Variants in TRPM3 observed in about 807,000 individuals in gnomAD.
The protein encoded by TRPM3 is long transient receptor potential channel 3.
TRPM3 carries 77 observed loss-of-function variants against 181.2 expected under a neutral mutation model. That is an observed-to-expected ratio of 0.42 (90% confidence interval 0.35 to 0.51). The LOEUF (loss-of-function observed/expected upper bound fraction) is 0.51, where lower values mean the gene tolerates loss of function less well. Ranked by LOEUF, TRPM3 falls within the 20% of genes least tolerant of loss-of-function variation. The probability of loss-of-function intolerance (pLI) is 0.01; values close to 1 mark genes in which losing one functional copy is unlikely to be tolerated. For missense variants in TRPM3, 1,759 were observed against 2,196.7 expected (o/e 0.80, Z 3.98); for synonymous variants, 745 against 796.4 (o/e 0.94, Z 1.09).
intron 1 of TRPM3, among the ~76,000 whole-genome samples, chr9:71,408,569 A>G (rs554276712): frequency 6.6e-6 from 1 of 152,338 alleles, no homozygotes; most frequent in South Asian, 2.1e-4. Flanking sequence ...GAGTAAAAAG[A>G]AATGAACAAA....
chr9:70,880,208 CA>C (rs1293593294), intron 1 of TRPM3, among the ~76,000 whole-genome samples: 1 of 151,998 alleles, frequency 6.6e-6, no homozygotes, highest in Non-Finnish European at 1.5e-5. Flanking sequence ...GGGTACAGAA[CA>C]TTTTTTTCTT....
intron 1 of TRPM3, among the ~76,000 whole-genome samples, chr9:71,355,302 A>C (rs2091850179): frequency 6.6e-6 from 1 of 152,202 alleles, no homozygotes; most frequent in Admixed American, 6.5e-5. Context: ...GTGAGCACTA[A>C]CCCAATGTCT....
intron 1 of TRPM3, among the ~76,000 whole-genome samples, chr9:71,118,659 C>T (rs1438886034): frequency 6.6e-6 from 1 of 152,130 alleles, no homozygotes; most frequent in Admixed American, 6.5e-5. Context: ...CATATTAGAA[C>T]AATGCTTGGA....
chr9:71,201,536 C>T (rs1029634035), intron 1 of TRPM3, among the ~76,000 whole-genome samples: 52 of 152,288 alleles, frequency 3.4e-4, no homozygotes, highest in Non-Finnish European at 5.9e-4. Flanking sequence ...TTGGTCTTTT[C>T]ACATAGTCCC....
intron 1 of TRPM3, among the ~76,000 whole-genome samples, chr9:71,245,702 T>C: frequency 6.6e-6 from 1 of 152,174 alleles, no homozygotes; most frequent in East Asian, 1.9e-4. Context: ...CAGGAATGGC[T>C]TGATACAGAC....
chr9:71,058,750 G>C (rs563475112), intron 1 of TRPM3, among the ~76,000 whole-genome samples: 108 of 152,082 alleles, frequency 7.1e-4, no homozygotes, highest in African/African-American at 2.0e-3. Flanking sequence ...AACCTAACAT[G>C]CTATGTAAAT....
intron 1 of TRPM3, among the ~76,000 whole-genome samples, chr9:71,133,766 A>G (rs1398631089): frequency 6.6e-6 from 1 of 152,192 alleles, no homozygotes; most frequent in Non-Finnish European, 1.5e-5. Flanking sequence ...ACATTTATAT[A>G]TTCACTCTAG....
At chr9:71,427,128 A>T (rs1214135795) in intron 1 of TRPM3, among the ~76,000 whole-genome samples, 1 of 151,960 alleles carries the variant, frequency 6.6e-6, no homozygotes, top group African/African-American at 2.4e-5. Context: ...GCCTTACGGT[A>T]TTTTTTTTCT....
At position 70,823,623 on chromosome 9, in the gene TRPM3, G is replaced by A. The variant is rs201956416; in HGVS notation, c.973+4224C>T. Among the ~76,000 whole-genome samples the A allele has an allele frequency of 5.9e-5, 9 of 152,238 alleles. No individual in the cohort carries two copies. The East Asian group carries it at 9.6e-4, about 16-fold the overall frequency. ...TGCTTTACTCTGCTTTATTTTTCTC[G>A]AAAGCACTTTTTAAAAACTATCGGC... On this transcript the variant is annotated intron_variant, in intron 6 of 25. Transcript: ENST00000677713.
chr9:71,159,375 T>C (rs988611617), intron 1 of TRPM3, among the ~76,000 whole-genome samples: 3 of 152,110 alleles, frequency 2.0e-5, no homozygotes, highest in African/African-American at 4.8e-5. Flanking sequence ...ATCCCTGCTA[T>C]AGATAGAATC....
intron 3 of TRPM3, among the ~76,000 whole-genome samples, chr9:70,853,156 A>G (rs2095288675): frequency 6.6e-6 from 1 of 152,194 alleles, no homozygotes; most frequent in South Asian, 2.1e-4. Flanking sequence ...GGACTCTTCA[A>G]AAGAATCTGT....
chr9:71,104,745 C>T (rs1444759845), intron 1 of TRPM3, among the ~76,000 whole-genome samples: 3 of 152,094 alleles, frequency 2.0e-5, no homozygotes, highest in African/African-American at 7.2e-5. Flanking sequence ...AGAAATTTAA[C>T]ATCACATTAC....
At chr9:70,892,180 C>T (rs10511992) in intron 1 of TRPM3, among the ~76,000 whole-genome samples, 12,273 of 152,142 alleles carry the variant, frequency 0.081, 564 homozygotes, top group African/African-American at 0.11. Flanking sequence ...TTTTGGAAGA[C>T]TATATAGAGA....
chr9:70,666,594 G>T (rs2061879605), intron 9 of TRPM3, among the ~76,000 whole-genome samples: 1 of 152,142 alleles, frequency 6.6e-6, no homozygotes, highest in Admixed American at 6.5e-5. Context: ...TTTCTGCATT[G>T]TTGTTTGGAA....
At chr9:71,197,691 T>A (rs1035875057) in intron 1 of TRPM3, among the ~76,000 whole-genome samples, 1 of 152,000 alleles carries the variant, frequency 6.6e-6, no homozygotes, top group Non-Finnish European at 1.5e-5. Flanking sequence ...GTCTGTTCAT[T>A]TCCTTCGCCC....
At chr9:71,333,123 A>G (rs2090325911) in intron 1 of TRPM3, among the ~76,000 whole-genome samples, 1 of 151,888 alleles carries the variant, frequency 6.6e-6, no homozygotes, top group African/African-American at 2.4e-5. Flanking sequence ...GATAGTGACA[A>G]TGACACTCAA....
At chr9:70,611,187 C>A (rs1362792355) in intron 18 of TRPM3, among the ~76,000 whole-genome samples, 1 of 152,170 alleles carries the variant, frequency 6.6e-6, no homozygotes, top group African/African-American at 2.4e-5. Context: ...GTAAATTGGA[C>A]CAGCATACCT....
intron 1 of TRPM3, among the ~76,000 whole-genome samples, chr9:71,331,564 C>T (rs1194145177): frequency 1.3e-5 from 2 of 151,090 alleles, no homozygotes; most frequent in Non-Finnish European, 2.9e-5. Flanking sequence ...TTACTATTTA[C>T]TAAGCATGCT....
At chr9:71,275,837 A>G (rs2084164855) in intron 1 of TRPM3, among the ~76,000 whole-genome samples, 1 of 137,684 alleles carries the variant, frequency 7.3e-6, no homozygotes, top group Admixed American at 7.6e-5. Flanking sequence ...CAATGGAGAA[A>G]GAAGGAACTT....
Sources: allele counts gnomAD v4.1 joint callset (sites outside exome capture counted in the v4.1 genomes callset), GRCh38; gene constraint gnomAD v4.1.1; transcripts MANE v1.5; gene names NCBI Gene and HGNC (gene_info 2026-07-23, HGNC 2026-07-21).